PTPRO: variants seen among roughly 807,000 people sequenced by gnomAD.
The protein encoded by PTPRO is receptor-type tyrosine-protein phosphatase O.
In PTPRO, 62 loss-of-function variants were observed where a neutral mutation model predicts 145.2. The observed-to-expected ratio is 0.43, with a 90% confidence interval of 0.35 to 0.53. The LOEUF (loss-of-function observed/expected upper bound fraction) is 0.53, where lower values mean the gene tolerates loss of function less well. Ranked by LOEUF, PTPRO falls within the 20% of genes least tolerant of loss-of-function variation. The pLI, the probability that PTPRO is intolerant of heterozygous loss-of-function variation, is 0.01. For synonymous variants in PTPRO, 565 were observed against 514.7 expected, an observed-to-expected ratio of 1.10 and a Z score of -1.32; for missense variants, 1,345 against 1,482.7, an observed-to-expected ratio of 0.91 and a Z score of 1.53.
At chr12:15,351,743 G>C (rs1210326349) in intron 1 of PTPRO, among the ~76,000 whole-genome samples, 2 of 152,214 alleles carry the variant, frequency 1.3e-5, no homozygotes, top group Non-Finnish European at 2.9e-5. Context: ...TTCTTAAACT[G>C]GTTGGAGTTG....
At chr12:15,486,827 T>C (rs1399961736) in intron 2 of PTPRO, among the ~76,000 whole-genome samples, 1 of 151,300 alleles carries the variant, frequency 6.6e-6, no homozygotes, top group Non-Finnish European at 1.5e-5. Flanking sequence ...ATGTAATTAT[T>C]AATATTTATT....
intron 19 of PTPRO, among the ~76,000 whole-genome samples, chr12:15,578,040 TG>T (rs745508832): frequency 6.6e-6 from 1 of 152,234 alleles, no homozygotes; most frequent in African/African-American, 2.4e-5. Flanking sequence ...GGCAGACATT[TG>T]GATGTTCTTA....
Position 15,484,169 on chromosome 12 carries a change from C to G in PTPRO, c.271C>G (p.Leu91Val), listed in dbSNP as rs1941838595. The G allele has an allele frequency of 6.2e-7, 1 of 1,613,524 alleles. No individual in the cohort carries two copies. The highest frequency in any genetic ancestry group is 1.1e-5 in the South Asian group (1 of 91,070). Residue 91 changes from leucine to valine, a missense_variant, in exon 2 of 27, where the codon CTT (leucine) becomes GTT (valine). Coordinates refer to ENST00000281171, the MANE Select transcript of PTPRO (RefSeq NM_030667.3). ...PVIFKASYHGLYYIITLVVVN... is the reference protein window; with the variant it reads ...PVIFKASYHGVYYIITLVVVN... ...TATTTTCAAGGCCAGTTATCATGGC[C>G]TTTATTATATAATCACTCTGGTAGT...
intron 1 of PTPRO, among the ~76,000 whole-genome samples, chr12:15,375,443 C>T (rs1358258064): frequency 6.6e-6 from 1 of 151,984 alleles, no homozygotes; most frequent in Non-Finnish European, 1.5e-5. Context: ...ATAATTCACC[C>T]AATAAAGATT....
In PTPRO at chr12:15,365,089, A is replaced by G. The variant is rs367813731; in HGVS notation, c.75+42288A>G. Among the ~76,000 whole-genome samples the G allele has an allele frequency of 2.6e-5, 4 of 152,100 alleles. No individual in the cohort carries two copies. The East Asian group carries it at 5.8e-4, about 22-fold the overall frequency. On this transcript the variant is annotated intron_variant, in intron 1 of 26. Coordinates refer to ENST00000281171, the MANE Select transcript of PTPRO (RefSeq NM_030667.3). ...CTGCATCACTTCTCCAGCTTTGACC[A>G]TGTTCTTCTAATTTTTGCCAAGAAT...
chr12:15,430,259 T>C (rs1486208828), intron 1 of PTPRO, among the ~76,000 whole-genome samples: 2 of 151,720 alleles, frequency 1.3e-5, no homozygotes, highest in Non-Finnish European at 2.9e-5. Flanking sequence ...GACTTGAATC[T>C]AAAAGGCAGG....
At chr12:15,420,851 C>A (rs1202749416) in intron 1 of PTPRO, among the ~76,000 whole-genome samples, 1 of 152,108 alleles carries the variant, frequency 6.6e-6, no homozygotes, top group Non-Finnish European at 1.5e-5. Flanking sequence ...CCTCACGGGG[C>A]GTTTGTAAGA....
At chr12:15,433,312 A>G (rs1940501526) in intron 1 of PTPRO, among the ~76,000 whole-genome samples, 1 of 152,032 alleles carries the variant, frequency 6.6e-6, no homozygotes, top group Non-Finnish European at 1.5e-5. Flanking sequence ...AGTAGCTGGA[A>G]CTACAAGTGT....
intron 23 of PTPRO, among the ~76,000 whole-genome samples, chr12:15,585,842 T>G (rs1944420133): frequency 6.6e-6 from 1 of 152,200 alleles, no homozygotes; most frequent in Non-Finnish European, 1.5e-5. Context: ...ACAAGTTAGT[T>G]GGGACTAAAA....
At chr12:15,507,175 G>A (rs1942337028) in intron 6 of PTPRO, among the ~76,000 whole-genome samples, 1 of 152,098 alleles carries the variant, frequency 6.6e-6, no homozygotes, top group Admixed American at 6.5e-5. Flanking sequence ...CACTTAGGGA[G>A]GCCAAGGCGG....
At chr12:15,560,509 A>G (rs994458290) in intron 17 of PTPRO, among the ~76,000 whole-genome samples, 2 of 151,992 alleles carry the variant, frequency 1.3e-5, no homozygotes, top group African/African-American at 2.4e-5. Context: ...CCCATTTAGT[A>G]CTAGTTATTT....
intron 7 of PTPRO, among the ~76,000 whole-genome samples, chr12:15,512,550 C>A (rs981934368): frequency 6.6e-6 from 1 of 152,162 alleles, no homozygotes; most frequent in Admixed American, 6.5e-5. Flanking sequence ...ACAAAACTTC[C>A]AATTTACTTC....
intron 12 of PTPRO, among the ~76,000 whole-genome samples, chr12:15,539,859 A>T (rs1212385856): frequency 6.8e-6 from 1 of 146,638 alleles, no homozygotes; most frequent in Non-Finnish European, 1.5e-5. Context: ...TTTTATTTTT[A>T]TATATAGGAA....
At position 15,565,499 on chromosome 12, in the gene PTPRO, C is replaced by T. The variant is rs1248709344; in HGVS notation, c.2712-94C>T. On this transcript the variant is annotated intron_variant, in intron 17 of 26. Transcript: ENST00000281171. ...ATGAAAATTAAATAAAACTGAGGTACCTGATGTAATTATTTAAAGCTGTTC... is the reference window on the plus strand; with the variant it reads ...ATGAAAATTAAATAAAACTGAGGTATCTGATGTAATTATTTAAAGCTGTTC... 10 of 801,382 alleles carry T rather than the reference C, an allele frequency of 1.2e-5. No homozygotes were observed. In the East Asian group the frequency reaches 2.5e-4, roughly 20 times the overall value. The allele number at this position is 801,382 out of a possible 1,614,324, so 49.6% of individuals were successfully genotyped here.
chr12:15,370,337 A>G (rs1029745205), intron 1 of PTPRO, among the ~76,000 whole-genome samples: 8 of 152,008 alleles, frequency 5.3e-5, no homozygotes, highest in Non-Finnish European at 1.0e-4. Context: ...GTTAATACCA[A>G]TTTCACATCT....
At chr12:15,448,811 G>A (rs773653427) in intron 1 of PTPRO, among the ~76,000 whole-genome samples, 2 of 151,912 alleles carry the variant, frequency 1.3e-5, no homozygotes, top group Non-Finnish European at 2.9e-5. Context: ...AAAATAATTA[G>A]GGTACTATGT....
At chr12:15,531,251 G>C (rs552202549) in intron 12 of PTPRO, among the ~76,000 whole-genome samples, 1 of 152,090 alleles carries the variant, frequency 6.6e-6, no homozygotes, top group Non-Finnish European at 1.5e-5. Flanking sequence ...GGTCCTGATG[G>C]CTTGACCCCT....
rs1199847645 is a variant in PTPRO at position 15,499,551 on chromosome 12, T to G, written c.618T>G (p.Val206=). The stretch of plus-strand genomic sequence containing the variant: ...CAACTTTTAATAAAAGTACCCTTGT[T>G]GAGTACAGTGGTGTCAGTCACGAAC... ...SEATFNKSTL[V]EYSGVSHEPK... Residue 206 remains valine (V), a synonymous_variant, in exon 4 of 27, where the codon GTT becomes GTG. Coordinates refer to ENST00000281171, the MANE Select transcript of PTPRO (RefSeq NM_030667.3). The G allele has an allele frequency of 2.5e-6, 4 of 1,613,914 alleles. No individual in the cohort carries two copies. The highest frequency in any genetic ancestry group is 3.4e-6 in the Non-Finnish European group (4 of 1,179,832).
intron 12 of PTPRO, 21 bp from the exon 13 acceptor site, chr12:15,546,548 T>A (rs759062863): frequency 8.3e-6 from 13 of 1,562,966 alleles, no homozygotes; most frequent in Admixed American, 3.8e-5. Context: ...AAATTTTTTT[T>A]AAAACTTTGT....
Sources: allele counts gnomAD v4.1 joint callset (sites outside exome capture counted in the v4.1 genomes callset), GRCh38; gene constraint gnomAD v4.1.1; transcripts MANE v1.5; gene names NCBI Gene and HGNC (gene_info 2026-07-23, HGNC 2026-07-21).